Variants in WDFY4 observed in about 807,000 individuals in gnomAD.
The protein encoded by WDFY4 is WDFY family member 4, also known as WD repeat- and FYVE domain-containing protein 4.
In WDFY4, 169 loss-of-function variants were observed where a neutral mutation model predicts 351.9. That is an observed-to-expected ratio of 0.48 (90% CI 0.42 to 0.55). The LOEUF is 0.55. Ranked by LOEUF, WDFY4 falls within the 20% of genes least tolerant of loss-of-function variation. WDFY4 has a pLI of 0.00. For synonymous variants in WDFY4, 1,622 were observed against 1,574.6 expected (o/e 1.03, Z -0.71); for missense variants, 3,803 against 3,935.6 (o/e 0.97, Z 0.90).
intron 39 of WDFY4, among the ~76,000 whole-genome samples, chr10:48,842,684 T>C (rs567575455): frequency 6.6e-6 from 1 of 152,366 alleles, no homozygotes; most frequent in East Asian, 1.9e-4. Flanking sequence ...CCAGAAATGT[T>C]GGTTCTTGTT....
intron 39 of WDFY4, among the ~76,000 whole-genome samples, chr10:48,865,950 T>G (rs2069527761): frequency 6.6e-6 from 1 of 152,162 alleles, no homozygotes; most frequent in African/African-American, 2.4e-5. Context: ...CTGATCCTAG[T>G]ATAATAATTT....
intron 7 of WDFY4, among the ~76,000 whole-genome samples, 160 bp from the exon 8 acceptor site, chr10:48,729,272 C>G (rs2064373996): frequency 6.6e-6 from 1 of 152,238 alleles, no homozygotes; most frequent in Non-Finnish European, 1.5e-5. Context: ...TGGTGTTTAT[C>G]CAGGGCGCTC....
intron 24 of WDFY4, chr10:48,802,860 G>C: frequency 2.1e-6 from 1 of 479,630 alleles, no homozygotes; most frequent in South Asian, 1.5e-5. Context: ...ACTTGCTGGT[G>C]GTGAGTGGAG....
chr10:48,774,331 G>C, intron 13 of WDFY4, 127 bp from the exon 14 acceptor site: 1 of 957,454 alleles, frequency 1.0e-6, no homozygotes, highest in Non-Finnish European at 1.6e-6. Flanking sequence ...GGGTGTAGTG[G>C]GGATGGGGTA....
At chr10:48,809,107 A>C (rs1406387136) in intron 28 of WDFY4, among the ~76,000 whole-genome samples, 1 of 152,032 alleles carries the variant, frequency 6.6e-6, no homozygotes, top group African/African-American at 2.4e-5. Flanking sequence ...TCTGTAAGCT[A>C]ATTGCTATTA....
chr10:48,804,519 T>C (rs1589651843), intron 25 of WDFY4, among the ~76,000 whole-genome samples: 2 of 148,780 alleles, frequency 1.3e-5, no homozygotes, highest in East Asian at 3.9e-4. Flanking sequence ...GCCTCTTTTG[T>C]GTATCAGGGA....
chr10:48,818,743 A>G (rs1477068347), intron 32 of WDFY4, among the ~76,000 whole-genome samples: 1 of 152,282 alleles, frequency 6.6e-6, no homozygotes, highest in Non-Finnish European at 1.5e-5. Context: ...GAAGTTTCAC[A>G]AAAAGATAAC....
At chr10:48,745,250 T>C in intron 12 of WDFY4, among the ~76,000 whole-genome samples, 1 of 152,244 alleles carries the variant, frequency 6.6e-6, no homozygotes. Flanking sequence ...ATCTTTGCTA[T>C]TTACTTCTCA....
rs1327863146 is a variant in WDFY4, at chr10:48,700,023, TAAC to T, written c.-17-9690_-17-9688del. ...GGGCTGGGGTTCAGAAATCTGGTTT[TAAC>T]AATCTGTTCAGGTGATGCTGATGCA... On this transcript the variant is annotated intron_variant, in intron 1 of 61. Transcript: ENST00000325239. Among the ~76,000 whole-genome samples, 4 of 152,218 alleles carry T rather than the reference TAAC, an allele frequency of 2.6e-5. No individual in the cohort carries two copies. The East Asian group carries it at 7.7e-4, about 29-fold the overall frequency.
At chr10:48,966,720 C>G in intron 55 of WDFY4, 47 bp downstream of exon 55, 1 of 1,529,922 alleles carries the variant, frequency 6.5e-7, no homozygotes, top group Non-Finnish European at 8.8e-7. Flanking sequence ...CCAGGGTTGT[C>G]CCTTCAGTGG....
chr10:48,874,988 C>A, intron 41 of WDFY4, 101 bp from the exon 42 acceptor site: 1 of 568,328 alleles, frequency 1.8e-6, no homozygotes, highest in Non-Finnish European at 2.8e-6. Context: ...TTGAAGGGGT[C>A]ACATGCATGT....
intron 13 of WDFY4, among the ~76,000 whole-genome samples, chr10:48,764,300 C>T (rs77006942): frequency 0.078 from 11,895 of 152,222 alleles, 816 homozygotes; most frequent in East Asian, 0.39. Flanking sequence ...GCTAGCTCTA[C>T]GAGCTGCTTT....
At chr10:48,941,215 C>T (rs921409643) in intron 47 of WDFY4, among the ~76,000 whole-genome samples, 8 of 152,172 alleles carry the variant, frequency 5.3e-5, no homozygotes, top group African/African-American at 1.7e-4. Context: ...TGCTGCAGCA[C>T]AAGGGAGGCT....
chr10:48,860,995 A>C (rs2069320531), intron 39 of WDFY4, among the ~76,000 whole-genome samples: 1 of 152,054 alleles, frequency 6.6e-6, no homozygotes, highest in African/African-American at 2.4e-5. Flanking sequence ...TTGTTGGGTG[A>C]AGTTGGCTAC....
chr10:48,786,064 A>G (rs79503518), intron 19 of WDFY4, among the ~76,000 whole-genome samples: 8,656 of 152,190 alleles, frequency 0.057, 584 homozygotes, highest in East Asian at 0.34. Flanking sequence ...CAGATCCTCT[A>G]CTTGTCTTAC....
chr10:48,876,603 G>GTTTT (rs11343936), intron 42 of WDFY4, among the ~76,000 whole-genome samples: 3 of 152,066 alleles, frequency 2.0e-5, no homozygotes, highest in South Asian at 4.2e-4. Context: ...TCTTTTCCAA[G>GTTTT]TTTTTTTTAC....
rs1265945706 is a variant in WDFY4, at chr10:48,830,676, T to TGTGCC, written c.6341-23_6341-19dup. On this transcript the variant is annotated intron_variant, in intron 37 of 61. Transcript: ENST00000325239. ...GGAGGGTCACTGAGGCCATCCTGAG[T>TGTGCC]GTGCCATGTGCTCTCTCTGCTAGTC... 18 of 1,544,918 alleles carry TGTGCC rather than the reference T, an allele frequency of 1.2e-5. No homozygotes were observed. In the East Asian group the frequency reaches 1.7e-4, roughly 15 times the overall value.
chr10:48,880,794 G>C (rs184650957), intron 43 of WDFY4, among the ~76,000 whole-genome samples: 1 of 152,326 alleles, frequency 6.6e-6, no homozygotes, highest in Admixed American at 6.5e-5. Flanking sequence ...GGGAATTGTG[G>C]GAAAGGCTGG....
intron 2 of WDFY4, among the ~76,000 whole-genome samples, chr10:48,710,645 C>T (rs1024057294): frequency 6.6e-6 from 1 of 152,232 alleles, no homozygotes; most frequent in African/African-American, 2.4e-5. Context: ...ACACAGGTGG[C>T]TGGCAACCTC....
Sources: gnomAD v4.1 joint callset for allele counts (sites outside exome capture counted in the v4.1 genomes callset) on GRCh38, gnomAD v4.1.1 for gene constraint, MANE v1.5 for transcripts, NCBI Gene and HGNC (gene_info 2026-07-23, HGNC 2026-07-21) for gene names.